The following DYRK4 variants were observed in gnomAD, a reference collection of about 807,000 sequenced individuals.
DYRK4 encodes the protein dual specificity tyrosine phosphorylation regulated kinase 4.
Under a neutral mutation model 68.3 loss-of-function variants are expected in DYRK4, and 64 were observed. The observed-to-expected ratio is 0.94, with a 90% CI of 0.77 to 1.15. The LOEUF (loss-of-function observed/expected upper bound fraction) is 1.15, where lower values mean the gene tolerates loss of function less well. DYRK4 is among the 50% of genes most tolerant of loss of function. The probability of loss-of-function intolerance (pLI) is 0.00; values close to 1 mark genes in which losing one functional copy is unlikely to be tolerated. For missense variants in DYRK4, 740 were observed against 764.7 expected, an observed-to-expected ratio of 0.97 and a Z score of 0.38; for synonymous variants, 274 against 289.9, an observed-to-expected ratio of 0.95 and a Z score of 0.56.
At chr12:4,563,779 G>A (rs779303200) in intron 1 of DYRK4, among the ~76,000 whole-genome samples, 32 of 152,188 alleles carry the variant, frequency 2.1e-4, no homozygotes, top group Admixed American at 8.5e-4. Flanking sequence ...GAACATTCAA[G>A]AACTCTTGAG....
chr12:4,599,250 A>C, intron 9 of DYRK4, 84 bp downstream of exon 9: 10 of 1,321,374 alleles, frequency 7.6e-6, no homozygotes, highest in Non-Finnish European at 1.0e-5. Context: ...CACAAACTCC[A>C]ATCAAATAAT....
chr12:4,592,746 A>T (rs1320159308), intron 5 of DYRK4: 1 of 384,136 alleles, frequency 2.6e-6, no homozygotes, highest in Non-Finnish European at 4.7e-6. Flanking sequence ...TCTAACCCCC[A>T]GGTGTTTGGG....
In DYRK4 at chr12:4,613,469, C is replaced by T. The variant is rs1042717083; in HGVS notation, c.1667-46C>T. On this transcript the variant is annotated intron_variant, in intron 14 of 14. Coordinates refer to ENST00000543431, the MANE Select transcript of DYRK4 (RefSeq NM_001394779.1). This position sits in a 1 kb window ranked among gnomAD's most constrained non-coding sequence, Gnocchi z 4.0. ...ACCTAAAGGACAATTAACATATAAT[C>T]CACATTTGAATCTTGTTCCCTTCTG... 1.3e-6 allele frequency: 2 copies of T among 1,572,340 alleles called. No individual in the cohort carries two copies. Among genetic ancestry groups the T allele is most frequent in the Admixed American group, 1.8e-5 (1 of 56,918 alleles).
intron 10 of DYRK4, among the ~76,000 whole-genome samples, chr12:4,603,733 A>G (rs1253058662): frequency 1.3e-5 from 2 of 152,240 alleles, no homozygotes; most frequent in Non-Finnish European, 2.9e-5. Context: ...AAGAAATTCC[A>G]GCTAAAAAGT....
intron 1 of DYRK4, chr12:4,563,043 G>C (rs530142483): frequency 4.4e-6 from 2 of 455,908 alleles, no homozygotes; most frequent in Admixed American, 2.4e-5. Context: ...ATTAATTCAA[G>C]CTTCACTGTC....
chr12:4,588,375 T>A (rs1944918600), intron 2 of DYRK4, among the ~76,000 whole-genome samples: 1 of 152,226 alleles, frequency 6.6e-6, no homozygotes, highest in Non-Finnish European at 1.5e-5. Flanking sequence ...ACTGTACACA[T>A]TACGTCCTCT....
In DYRK4 at chr12:4,610,192, G is replaced by A. The variant is rs1945202894; in HGVS notation, c.1398G>A (p.Arg466=). 6.2e-7 allele frequency: 1 copy of A among 1,602,010 alleles called. No individual in the cohort carries two copies. Among genetic ancestry groups the A allele is most frequent in the Non-Finnish European group, 8.5e-7 (1 of 1,175,422 alleles). Residue 466 remains arginine, a synonymous_variant, in exon 13 of 15, where the codon AGG becomes AGA. Coordinates refer to ENST00000543431, the MANE Select transcript of DYRK4 (RefSeq NM_001394779.1). ...TTCCTAAAAATATAACCAACAACAG[G>A]GGGAAAAAAAGATACCCAGATTCCA... is the stretch of plus-strand genomic sequence containing the variant. ...KGFPKNITNN[R]GKKRYPDSKD...
intron 1 of DYRK4, among the ~76,000 whole-genome samples, 169 bp from the exon 2 acceptor site, chr12:4,567,786 T>A (rs1944692274): frequency 6.6e-6 from 1 of 152,190 alleles, no homozygotes; most frequent in Non-Finnish European, 1.5e-5. Context: ...CCTGACCTCA[T>A]GTGACCATCA....
At chr12:4,564,078 T>G (rs1944654084) in intron 1 of DYRK4, among the ~76,000 whole-genome samples, 1 of 152,182 alleles carries the variant, frequency 6.6e-6, no homozygotes, top group African/African-American at 2.4e-5. Context: ...CTTTAGAGTC[T>G]GGGAGTCAGT....
intron 2 of DYRK4, among the ~76,000 whole-genome samples, chr12:4,583,797 C>T (rs554697754): frequency 2.0e-5 from 3 of 152,276 alleles, no homozygotes; most frequent in African/African-American, 7.2e-5. Context: ...GAAGTAGTGT[C>T]AGGGAAGATG....
chr12:4,602,249 CCTG>C (rs1945089637), intron 10 of DYRK4: 1 of 1,067,748 alleles, frequency 9.4e-7, no homozygotes, highest in Admixed American at 1.7e-5. Context: ...ATTTCTAAGA[CCTG>C]CTCTCTTTTC....
At chr12:4,574,281 A>G (rs1423434785) in intron 2 of DYRK4, among the ~76,000 whole-genome samples, 1 of 150,742 alleles carries the variant, frequency 6.6e-6, no homozygotes. Context: ...GTCCCTCCCC[A>G]TGGTATCTCG....
At chr12:4,568,582 C>T (rs1477064952) in intron 2 of DYRK4, among the ~76,000 whole-genome samples, 1 of 152,126 alleles carries the variant, frequency 6.6e-6, no homozygotes, top group East Asian at 1.9e-4. Flanking sequence ...GATGGGGTTT[C>T]TTCATGTTGA....
chr12:4,607,400 G>T lies in DYRK4; in HGVS notation c.1360+13G>T, dbSNP rs114607952. 1.4e-3 allele frequency: 2,335 copies of T among 1,613,926 alleles called. 29 individuals are homozygous for T. In the African/African-American group the frequency reaches 0.027, roughly 19 times the overall value. ...CAGACATTCTTTGGTAAGTCCTAGTGTGTCTCATGAGGTGTCACAGGCCTT... is the reference window on the plus strand; with the variant it reads ...CAGACATTCTTTGGTAAGTCCTAGTTTGTCTCATGAGGTGTCACAGGCCTT... On this transcript the variant is annotated intron_variant, in intron 12 of 14. Coordinates refer to ENST00000543431, the MANE Select transcript of DYRK4 (RefSeq NM_001394779.1).
intron 4 of DYRK4, chr12:4,590,673 G>A: frequency 1.2e-6 from 1 of 845,898 alleles, no homozygotes; most frequent in Non-Finnish European, 1.6e-6. Context: ...GATTCATTGA[G>A]GAAAAATGAA....
intron 2 of DYRK4, among the ~76,000 whole-genome samples, chr12:4,585,156 C>T (rs1211538450): frequency 1.3e-5 from 2 of 152,160 alleles, no homozygotes. Context: ...CAGGGAATCC[C>T]GACTCAAGTG....
At chr12:4,592,683 C>T (rs1324700791) in intron 5 of DYRK4, 1 of 203,210 alleles carries the variant, frequency 4.9e-6, no homozygotes, top group African/African-American at 2.3e-5. Flanking sequence ...GCCACCTAAA[C>T]TATATACTAT....
chr12:4,591,046 G>C lies in DYRK4; in HGVS notation c.325-114G>C, dbSNP rs959804038. ...TCTCTTAATCGCTGTTTTCTCCCTG[G>C]AGAGGTAGGTAAAGAGCCTGGCTGA... On this transcript the variant is annotated intron_variant, in intron 4 of 14. Transcript: ENST00000543431. The surrounding 1 kb of genome is among the most constrained non-coding windows in gnomAD (Gnocchi z 4.1). The C allele has an allele frequency of 2.6e-5, 33 of 1,259,930 alleles. 1 individual carries two copies. The South Asian group carries it at 5.0e-4, about 19-fold the overall frequency. The allele number at this position is 1,259,930 out of a possible 1,614,324, so 78.0% of individuals were successfully genotyped here. A position where few individuals can be genotyped will look rare whatever the true frequency, so the allele number is the denominator to read the frequency against.
intron 5 of DYRK4, among the ~76,000 whole-genome samples, chr12:4,592,070 C>A (rs948393231): frequency 2.6e-5 from 4 of 152,312 alleles, no homozygotes; most frequent in African/African-American, 9.6e-5. Flanking sequence ...CACTTTACAG[C>A]TCTTCTACCA....
Sources: gnomAD v4.1 joint callset for allele counts (sites outside exome capture counted in the v4.1 genomes callset) on GRCh38, gnomAD v4.1.1 for gene constraint, Gnocchi (gnomAD v3.1) non-coding constraint, MANE v1.5 for transcripts, NCBI Gene and HGNC (gene_info 2026-07-23, HGNC 2026-07-21) for gene names.